The following ZHX2 variants were observed in gnomAD, a reference collection of about 807,000 sequenced individuals.
The protein encoded by ZHX2 is zinc fingers and homeoboxes 2, also known as zinc fingers and homeoboxes protein 2.
In ZHX2, 6 loss-of-function variants were observed where a neutral mutation model predicts 21.9. The ratio of observed to expected loss-of-function variants is 0.27; its 90% CI spans 0.15 to 0.54. The LOEUF (loss-of-function observed/expected upper bound fraction) is 0.54. Among genes scored for constraint, ZHX2 ranks in the 20% least tolerant of loss-of-function variants. The pLI is 0.95. For synonymous variants in ZHX2, 434 were observed against 437.1 expected (o/e 0.99, Z 0.09); for missense variants, 908 against 1,090.7 (o/e 0.83, Z 2.36).
At chr8:122,833,241 G>C (rs1298699531) in intron 1 of ZHX2, among the ~76,000 whole-genome samples, 1 of 152,198 alleles carries the variant, frequency 6.6e-6, no homozygotes, top group Admixed American at 6.5e-5. Context: ...GTACAGCTTG[G>C]TTAATGAGCC....
intron 3 of ZHX2, among the ~76,000 whole-genome samples, chr8:122,955,839 A>ATTT (rs540333833): frequency 0.015 from 1,574 of 104,868 alleles, 91 homozygotes; most frequent in African/African-American, 0.06. Flanking sequence ...TGAGGGAGTG[A>ATTT]TTTTTTTTTT....
intron 1 of ZHX2, among the ~76,000 whole-genome samples, chr8:122,805,422 C>G (rs542227023): frequency 2.6e-5 from 4 of 152,216 alleles, no homozygotes; most frequent in Non-Finnish European, 5.9e-5. Context: ...TGAGTGACCC[C>G]CCACCCCAGC....
chr8:122,782,678 G>T lies in ZHX2; in HGVS notation c.-283+732G>T, dbSNP rs1324092458. ...CGAGCTACCTGGCGGGGGCAGGGCC[G>T]GAGCGCGGCGCTGTCCTCACCCCCG... On this transcript the variant is annotated intron_variant, in intron 1 of 3. Coordinates refer to ENST00000314393, the MANE Select transcript of ZHX2 (RefSeq NM_014943.5). The surrounding 1 kb of genome is among the most constrained non-coding windows in gnomAD (Gnocchi z 5.3). Among the ~76,000 whole-genome samples the T allele has an allele frequency of 6.6e-6, 1 of 152,070 alleles. No homozygotes were observed. The highest frequency in any genetic ancestry group is 1.5e-5 in the Non-Finnish European group (1 of 67,970).
Position 122,861,593 on chromosome 8 carries a change from T to G in ZHX2, c.-282-1884T>G, listed in dbSNP as rs551673796. ...CATATGGAGTTGGGAGATGCTAATT[T>G]AGAGTATCGTAAATCTATGCTGTGA... On this transcript the variant is annotated intron_variant, in intron 1 of 3. Transcript: ENST00000314393. Among the ~76,000 whole-genome samples, 3 of 152,240 alleles carry G rather than the reference T, an allele frequency of 2.0e-5. No individual in the cohort carries two copies. In the South Asian group the frequency reaches 6.2e-4, roughly 32 times the overall value.
intron 2 of ZHX2, among the ~76,000 whole-genome samples, chr8:122,937,626 C>G (rs1422820979): frequency 6.6e-6 from 1 of 151,290 alleles, no homozygotes; most frequent in Admixed American, 6.6e-5. Context: ...GTCACCCAGG[C>G]TGGAGTGCTG....
chr8:122,893,221 T>C lies in ZHX2; in HGVS notation c.-220+29682T>C, dbSNP rs534226363. Among the ~76,000 whole-genome samples, 7 of 152,364 alleles carry C rather than the reference T, an allele frequency of 4.6e-5. No homozygotes were observed. In the South Asian group the frequency reaches 6.2e-4, roughly 14 times the overall value. On this transcript the variant is annotated intron_variant, in intron 2 of 3. Coordinates refer to ENST00000314393, the MANE Select transcript of ZHX2 (RefSeq NM_014943.5). ...TGGTGTTAGTCTAATGCGAATTCTC[T>C]TATATGTGAGTTGATGCTTTTTTAT...
chr8:122,857,664 T>C (rs1819059456), intron 1 of ZHX2, among the ~76,000 whole-genome samples: 1 of 152,158 alleles, frequency 6.6e-6, no homozygotes, highest in South Asian at 2.1e-4. Flanking sequence ...ATAGCCAACA[T>C]TGAAGAGTCA....
chr8:122,871,294 A>G (rs1029026468), intron 2 of ZHX2, among the ~76,000 whole-genome samples: 7 of 151,904 alleles, frequency 4.6e-5, no homozygotes, highest in Non-Finnish European at 7.4e-5. Flanking sequence ...TCCATCAATG[A>G]TAGACTGGAT....
At chr8:122,866,063 C>T (rs989510539) in intron 2 of ZHX2, among the ~76,000 whole-genome samples, 9 of 152,210 alleles carry the variant, frequency 5.9e-5, no homozygotes, top group African/African-American at 1.9e-4. Context: ...TCAGAACACC[C>T]CTTTTTCCCA....
intron 1 of ZHX2, among the ~76,000 whole-genome samples, chr8:122,843,242 G>A (rs1818679375): frequency 6.6e-6 from 1 of 152,238 alleles, no homozygotes; most frequent in African/African-American, 2.4e-5. Context: ...ATTTTACGGA[G>A]CTTGGTGATT....
At chr8:122,784,462 A>G (rs551002469) in intron 1 of ZHX2, among the ~76,000 whole-genome samples, 3 of 152,336 alleles carry the variant, frequency 2.0e-5, no homozygotes, top group East Asian at 3.9e-4. Context: ...TAACCAGTCC[A>G]TTGTAGCAGC....
chr8:122,927,480 G>A (rs1820886362), intron 2 of ZHX2, among the ~76,000 whole-genome samples: 1 of 152,056 alleles, frequency 6.6e-6, no homozygotes, highest in South Asian at 2.1e-4. Flanking sequence ...GGGCAACAGA[G>A]TGAGATTCCA....
At chr8:122,863,676 G>T (rs548825888) in intron 2 of ZHX2, 137 bp downstream of exon 2, 10 of 152,554 alleles carry the variant, frequency 6.6e-5, no homozygotes, top group African/African-American at 2.4e-4. Flanking sequence ...CCTGGAAACA[G>T]CACAGGGCCC....
At chr8:122,824,033 T>C (rs547416806) in intron 1 of ZHX2, among the ~76,000 whole-genome samples, 2 of 152,286 alleles carry the variant, frequency 1.3e-5, no homozygotes, top group Admixed American at 1.3e-4. Context: ...TCAGAACTCC[T>C]CCATATATAA....
At chr8:122,895,008 G>A (rs997082498) in intron 2 of ZHX2, among the ~76,000 whole-genome samples, 1 of 152,144 alleles carries the variant, frequency 6.6e-6, no homozygotes, top group African/African-American at 2.4e-5. Context: ...GGCAGAAAAT[G>A]CAGAGGCATT....
chr8:122,921,580 G>A (rs1168768766), intron 2 of ZHX2, among the ~76,000 whole-genome samples: 1 of 152,130 alleles, frequency 6.6e-6, no homozygotes, highest in African/African-American at 2.4e-5. Context: ...GGGAGGCCAA[G>A]GTGGGAGGAT....
intron 1 of ZHX2, among the ~76,000 whole-genome samples, chr8:122,839,831 A>G (rs908034889): frequency 6.6e-6 from 1 of 152,202 alleles, no homozygotes; most frequent in Non-Finnish European, 1.5e-5. Context: ...TTGTTAATAG[A>G]TAATTAATGT....
At chr8:122,937,706 A>T (rs1173435024) in intron 2 of ZHX2, among the ~76,000 whole-genome samples, 1 of 150,880 alleles carries the variant, frequency 6.6e-6, no homozygotes. Context: ...CAGCCTCCTG[A>T]GTAGCTGGGA....
At chr8:122,919,863 T>A (rs1820695859) in intron 2 of ZHX2, among the ~76,000 whole-genome samples, 1 of 152,230 alleles carries the variant, frequency 6.6e-6, no homozygotes, top group Non-Finnish European at 1.5e-5. Context: ...CAGGTTACCG[T>A]AGAAATTGTT....
Sources: allele counts gnomAD v4.1 joint callset (sites outside exome capture counted in the v4.1 genomes callset), GRCh38; gene constraint gnomAD v4.1.1; non-coding constraint Gnocchi (gnomAD v3.1); transcripts MANE v1.5; gene names NCBI Gene and HGNC (gene_info 2026-07-23, HGNC 2026-07-21).